SERGEF: variants seen among roughly 807,000 people sequenced by gnomAD.
The protein encoded by SERGEF is secretion-regulating guanine nucleotide exchange factor.
In SERGEF, 51 loss-of-function variants were observed where a neutral mutation model predicts 50.0. That is an observed-to-expected ratio of 1.02 (90% CI 0.81 to 1.29). The LOEUF (loss-of-function observed/expected upper bound fraction) is 1.29, where lower values mean the gene tolerates loss of function less well. SERGEF is among the 50% of genes most tolerant of loss of function. The pLI is 0.00. For synonymous variants in SERGEF, 205 were observed against 212.4 expected, an observed-to-expected ratio of 0.97 and a Z score of 0.30; for missense variants, 521 against 557.0, an observed-to-expected ratio of 0.94 and a Z score of 0.65.
At chr11:17,889,905 T>C (rs1851500649) in intron 9 of SERGEF, among the ~76,000 whole-genome samples, 1 of 151,648 alleles carries the variant, frequency 6.6e-6, no homozygotes, top group Non-Finnish European at 1.5e-5. Context: ...GATAGGTATA[T>C]CCAGGAAGCT....
In SERGEF at chr11:17,884,048, C is replaced by T. The variant is rs1288062220; in HGVS notation, c.1012-5804G>A. 1.3e-5 allele frequency among the ~76,000 whole-genome samples: 2 copies of T among 152,152 alleles called. No individual in the cohort carries two copies. The highest frequency in any genetic ancestry group is 2.9e-5 in the Non-Finnish European group (2 of 68,010). On this transcript the variant is annotated intron_variant, in intron 9 of 10. Coordinates refer to ENST00000265965, the MANE Select transcript of SERGEF (RefSeq NM_012139.4). This position sits in a 1 kb window ranked among gnomAD's most constrained non-coding sequence, Gnocchi z 4.6. ...AGGAAGTGAGGCGAGGCCAGCCCCA[C>T]GCCACCAGCCAGGGGCCGCTTTCCT...
At chr11:17,910,191 A>T (rs61882452) in intron 9 of SERGEF, among the ~76,000 whole-genome samples, 21,195 of 132,262 alleles carry the variant, frequency 0.16, 2,573 homozygotes, top group African/African-American at 0.34. Flanking sequence ...ACACACACAC[A>T]CACTCTCTCT....
intron 9 of SERGEF, among the ~76,000 whole-genome samples, chr11:17,928,326 T>A (rs1021022055): frequency 3.9e-5 from 6 of 152,064 alleles, no homozygotes; most frequent in Admixed American, 6.5e-5. Context: ...CTAGACAGTA[T>A]GGCAAAGGTG....
At chr11:17,999,804 C>T (rs1168888550) in intron 5 of SERGEF, among the ~76,000 whole-genome samples, 2 of 152,202 alleles carry the variant, frequency 1.3e-5, no homozygotes, top group African/African-American at 4.8e-5. Context: ...GGATCCAAAC[C>T]ATCCCAGGCT....
chr11:17,859,094 T>A (rs750791045), intron 10 of SERGEF, among the ~76,000 whole-genome samples: 4 of 152,020 alleles, frequency 2.6e-5, no homozygotes, highest in Non-Finnish European at 5.9e-5. Flanking sequence ...GGATAATGCA[T>A]CTACAGGGCA....
chr11:17,806,190 C>G (rs1026854393), intron 10 of SERGEF, among the ~76,000 whole-genome samples: 9 of 152,222 alleles, frequency 5.9e-5, no homozygotes, highest in Non-Finnish European at 1.5e-5. Context: ...TTGTTCCCAT[C>G]ATTCGCACAT....
chr11:17,970,016 C>T (rs1853214084), intron 8 of SERGEF, among the ~76,000 whole-genome samples: 1 of 152,204 alleles, frequency 6.6e-6, no homozygotes, highest in African/African-American at 2.4e-5. Flanking sequence ...AGAAGTAAGA[C>T]TAGACTAGAA....
chr11:17,937,337 G>A (rs1048770135), intron 9 of SERGEF, among the ~76,000 whole-genome samples: 2 of 152,072 alleles, frequency 1.3e-5, no homozygotes, highest in African/African-American at 4.8e-5. Context: ...TTCAAGATTA[G>A]CTTGGCCAAC....
intron 10 of SERGEF, among the ~76,000 whole-genome samples, chr11:17,793,891 C>T (rs1849529379): frequency 6.6e-6 from 1 of 152,228 alleles, no homozygotes; most frequent in Non-Finnish European, 1.5e-5. Flanking sequence ...AGCCTAAGAG[C>T]CCTGCAGGCA....
chr11:17,878,386 G>A (rs772040921), intron 9 of SERGEF, 142 bp from the exon 10 acceptor site: 39 of 613,030 alleles, frequency 6.4e-5, no homozygotes, highest in African/African-American at 1.9e-5. Flanking sequence ...ACATACAAAA[G>A]TTAAGATTAT....
At chr11:18,007,390 G>A (rs1854096445) in intron 2 of SERGEF, among the ~76,000 whole-genome samples, 1 of 152,190 alleles carries the variant, frequency 6.6e-6, no homozygotes, top group African/African-American at 2.4e-5. Context: ...TTCAGAAACT[G>A]TGGCTATTTG....
At chr11:17,914,359 G>A (rs61882454) in intron 9 of SERGEF, among the ~76,000 whole-genome samples, 18,961 of 152,210 alleles carry the variant, frequency 0.12, 1,513 homozygotes, top group Middle Eastern at 0.23. Context: ...CAGAGATGAC[G>A]ATTTAATGAA....
At chr11:18,007,364 A>G (rs977697055) in intron 2 of SERGEF, among the ~76,000 whole-genome samples, 4 of 152,192 alleles carry the variant, frequency 2.6e-5, no homozygotes, top group African/African-American at 9.7e-5. Flanking sequence ...CACCATTATT[A>G]TCCTCATGTA....
At chr11:17,873,684 G>C (rs1216856773) in intron 10 of SERGEF, among the ~76,000 whole-genome samples, 1 of 152,000 alleles carries the variant, frequency 6.6e-6, no homozygotes. Context: ...GGAGGAGGAG[G>C]AGGAGGAGGA....
intron 9 of SERGEF, among the ~76,000 whole-genome samples, chr11:17,932,860 G>A (rs1852381533): frequency 6.6e-6 from 1 of 152,124 alleles, no homozygotes; most frequent in African/African-American, 2.4e-5. Flanking sequence ...TACTAATTCA[G>A]TGGCCCTAAT....
At chr11:17,994,011 T>C (rs1231870727) in intron 6 of SERGEF, among the ~76,000 whole-genome samples, 1 of 152,104 alleles carries the variant, frequency 6.6e-6, no homozygotes, top group Non-Finnish European at 1.5e-5. Context: ...ATAAAAAACA[T>C]TTTTTCCCTC....
In SERGEF at chr11:17,992,572, T is replaced by C. The variant is rs538270131; in HGVS notation, c.685+359A>G. Among the ~76,000 whole-genome samples, 10 of 152,344 alleles carry C rather than the reference T, an allele frequency of 6.6e-5. No homozygotes were observed. The South Asian group carries it at 1.9e-3, about 28-fold the overall frequency. ...CACTGTGTTATCCATATATGTTATA[T>C]ATAAATTTACTGTTGATTACATGAT... On this transcript the variant is annotated intron_variant, in intron 7 of 10. Coordinates refer to ENST00000265965, the MANE Select transcript of SERGEF (RefSeq NM_012139.4).
chr11:17,879,385 T>C (rs1343224535), intron 9 of SERGEF, among the ~76,000 whole-genome samples: 2 of 152,162 alleles, frequency 1.3e-5, no homozygotes, highest in Non-Finnish European at 2.9e-5. Context: ...AAGAGGAATG[T>C]TTCAAGTACT....
At chr11:17,972,189 A>C (rs945353352) in intron 8 of SERGEF, among the ~76,000 whole-genome samples, 1 of 152,234 alleles carries the variant, frequency 6.6e-6, no homozygotes, top group African/African-American at 2.4e-5. Flanking sequence ...CGATTTTATA[A>C]ACTTAATTGA....
Sources: allele counts gnomAD v4.1 joint callset (sites outside exome capture counted in the v4.1 genomes callset), GRCh38; gene constraint gnomAD v4.1.1; non-coding constraint Gnocchi (gnomAD v3.1); transcripts MANE v1.5; gene names NCBI Gene and HGNC (gene_info 2026-07-23, HGNC 2026-07-21).